BCL7A: variants seen among roughly 807,000 people sequenced by gnomAD.
BCL7A encodes B-cell CLL/lymphoma 7 protein family member A.
A neutral mutation model predicts 28.4 loss-of-function variants in BCL7A; 11 were observed. The ratio of observed to expected loss-of-function variants is 0.39; its 90% CI spans 0.24 to 0.64. The LOEUF is 0.64. BCL7A is among the 30% of genes least tolerant of loss of function. BCL7A has a pLI of 0.50. For synonymous variants in BCL7A, 123 were observed against 103.3 expected (o/e 1.19, Z -1.15); for missense variants, 222 against 274.8 (o/e 0.81, Z 1.36).
intron 1 of BCL7A, among the ~76,000 whole-genome samples, chr12:122,026,266 CA>C (rs78577517): frequency 4.1e-3 from 204 of 49,476 alleles, no homozygotes; most frequent in South Asian, 0.032. Context: ...GACTCCGTCT[CA>C]AAAAAAAAAA....
intron 3 of BCL7A, among the ~76,000 whole-genome samples, chr12:122,038,082 C>T (rs113454134): frequency 0.02 from 3,064 of 151,782 alleles, 98 homozygotes; most frequent in African/African-American, 0.071. Flanking sequence ...GATCGCACCA[C>T]TGCACTCCAG....
chr12:122,022,234 A>C (rs907793530), intron 1 of BCL7A, 51 bp downstream of exon 1: 1 of 1,297,212 alleles, frequency 7.7e-7, no homozygotes, highest in South Asian at 1.3e-5. Flanking sequence ...CCCGAGCCCG[A>C]GCGCGGCTCC....
chr12:122,061,902 A>T lies in BCL7A; in HGVS notation c.*2739A>T, dbSNP rs1951926849. On this transcript the variant is annotated 3_prime_UTR_variant, in exon 6 of 6. Coordinates refer to ENST00000261822, the MANE Select transcript of BCL7A (RefSeq NM_001024808.3). ...AAAGACCTTTTTTCACCGTTACCTA[A>T]TTTTTTCCCCTTTCAAGAATTTTTT... The T allele has an allele frequency of 4.7e-6, 1 of 213,080 alleles. No individual in the cohort carries two copies. Among genetic ancestry groups the T allele is most frequent in the Non-Finnish European group, 9.4e-6 (1 of 105,938 alleles). 13.2% of individuals were successfully genotyped at this position (213,080 alleles called of 1,614,324 possible).
chr12:122,046,325 G>T (rs991886894), intron 4 of BCL7A, among the ~76,000 whole-genome samples: 1 of 152,126 alleles, frequency 6.6e-6, no homozygotes, highest in Admixed American at 6.6e-5. Flanking sequence ...GAGCTGGCGA[G>T]CATGGAATGT....
chr12:122,043,658 G>A (rs1884005329), intron 3 of BCL7A, among the ~76,000 whole-genome samples: 2 of 151,414 alleles, frequency 1.3e-5, no homozygotes, highest in African/African-American at 4.9e-5. Flanking sequence ...TGTAATCCCA[G>A]CTACTCGGGA....
chr12:122,053,292 G>C (rs1286770393), intron 4 of BCL7A, among the ~76,000 whole-genome samples: 1 of 152,194 alleles, frequency 6.6e-6, no homozygotes, highest in Admixed American at 6.5e-5. Context: ...CGCCGCGCCC[G>C]GCCAGGGCTC....
At position 122,029,135 on chromosome 12, in the gene BCL7A, C is replaced by T. The variant is rs1565935043; in HGVS notation, c.93-1565C>T. On this transcript the variant is annotated intron_variant, in intron 1 of 5. Transcript: ENST00000261822. The surrounding 1 kb of genome is among the most constrained non-coding windows in gnomAD (Gnocchi z 4.3). ...AGTTCACCTTCACCGCCCTGTGCCT[C>T]GGTTTCTTTATCTGTCAAATGGGGA... Among the ~76,000 whole-genome samples the T allele has an allele frequency of 6.6e-6, 1 of 152,114 alleles. No individual in the cohort carries two copies. The highest frequency in any genetic ancestry group is 1.5e-5 in the Non-Finnish European group (1 of 68,038).
At chr12:122,052,203 A>AT (rs35574681) in intron 4 of BCL7A, among the ~76,000 whole-genome samples, 4 of 151,812 alleles carry the variant, frequency 2.6e-5, no homozygotes, top group South Asian at 2.1e-4. Context: ...TTAAAAAAAA[A>AT]AAATAAATAA....
chr12:122,049,757 C>T (rs886611182), intron 4 of BCL7A, among the ~76,000 whole-genome samples: 3 of 152,074 alleles, frequency 2.0e-5, no homozygotes, highest in Non-Finnish European at 2.9e-5. Context: ...TGCAGTCCTG[C>T]GGGGGGTCTG....
chr12:122,054,986 G>C (rs911951329), intron 5 of BCL7A, 60 bp downstream of exon 5: 7 of 1,613,194 alleles, frequency 4.3e-6, no homozygotes, highest in Non-Finnish European at 5.1e-6. Context: ...TTGGGTTGTC[G>C]GGGGTACGTT....
chr12:122,024,160 C>G (rs780693437), intron 1 of BCL7A, among the ~76,000 whole-genome samples: 2 of 152,346 alleles, frequency 1.3e-5, no homozygotes, highest in Admixed American at 6.5e-5. Flanking sequence ...AGGGGCTGTA[C>G]CTCTGCGCCT....
At chr12:122,055,204 G>A (rs1427529334) in intron 5 of BCL7A, among the ~76,000 whole-genome samples, 4 of 152,194 alleles carry the variant, frequency 2.6e-5, no homozygotes, top group African/African-American at 7.2e-5. Flanking sequence ...CGGCTGCTAC[G>A]TTTTGTCTGT....
rs540886612 is a variant in BCL7A, at chr12:122,024,003, ACAGCTGCTCCCGCAGAGCGGC to A, written c.92+1830_92+1850del. Among the ~76,000 whole-genome samples the A allele has an allele frequency of 2.1e-4, 32 of 152,184 alleles. No individual in the cohort carries two copies. In the East Asian group the frequency reaches 4.5e-3, roughly 21 times the overall value. On this transcript the variant is annotated intron_variant, in intron 1 of 5. Coordinates refer to ENST00000261822, the MANE Select transcript of BCL7A (RefSeq NM_001024808.3). ...GCTGGACAGAGGCTCCTGCACCCTG[ACAGCTGCTCCCGCAGAGCGGC>A]CAGCTGCTCTGCAGGGAGGGCAGAT...
chr12:122,049,407 C>T (rs567129533), intron 4 of BCL7A, among the ~76,000 whole-genome samples: 7 of 151,766 alleles, frequency 4.6e-5, no homozygotes, highest in Non-Finnish European at 8.8e-5. Context: ...AGAGGCCGGG[C>T]GTGGTGGCTC....
chr12:122,046,060 TAAAAAAAA>T (rs776315126), intron 4 of BCL7A, among the ~76,000 whole-genome samples: 3 of 62,864 alleles, frequency 4.8e-5, no homozygotes, highest in African/African-American at 6.6e-5. Flanking sequence ...GAGACCTTGC[TAAAAAAAA>T]AAAAAAAAAA....
intron 1 of BCL7A, among the ~76,000 whole-genome samples, chr12:122,025,946 C>CAAAAAAA (rs1204623444): frequency 7.4e-5 from 8 of 108,148 alleles, no homozygotes; most frequent in Admixed American, 1.2e-4. Context: ...GACTCCATCT[C>CAAAAAAA]AAAAAAAAAA....
At chr12:122,049,749 C>T (rs1259733020) in intron 4 of BCL7A, among the ~76,000 whole-genome samples, 1 of 152,158 alleles carries the variant, frequency 6.6e-6, no homozygotes, top group Non-Finnish European at 1.5e-5. Context: ...TTTGCACATG[C>T]AGTCCTGCGG....
In BCL7A at chr12:122,059,021, C is replaced by A; in HGVS notation, c.562-71C>A. 7.3e-7 allele frequency: 1 copy of A among 1,366,634 alleles called. No individual in the cohort carries two copies. The highest frequency in any genetic ancestry group is 1.0e-6 in the Non-Finnish European group (1 of 958,208). The allele number at this position is 1,366,634 out of a possible 1,614,324, so 84.7% of individuals were successfully genotyped here. ...CTCGGTTCCTTCCTTGGCTGACCTTCGGCCTCACGCCTGGCCTAACTTGCT... is the reference window on the plus strand; with the variant it reads ...CTCGGTTCCTTCCTTGGCTGACCTTAGGCCTCACGCCTGGCCTAACTTGCT... On this transcript the variant is annotated intron_variant, in intron 5 of 5. Transcript: ENST00000261822. This position sits in a 1 kb window ranked among gnomAD's most constrained non-coding sequence, Gnocchi z 4.0.
At chr12:122,047,693 G>A (rs1258103474) in intron 4 of BCL7A, among the ~76,000 whole-genome samples, 2 of 151,764 alleles carry the variant, frequency 1.3e-5, no homozygotes, top group African/African-American at 4.8e-5. Flanking sequence ...CCCTGGTAAT[G>A]TTTATAGTTT....
Sources: allele counts gnomAD v4.1 joint callset (sites outside exome capture counted in the v4.1 genomes callset), GRCh38; gene constraint gnomAD v4.1.1; non-coding constraint Gnocchi (gnomAD v3.1); transcripts MANE v1.5; gene names NCBI Gene and HGNC (gene_info 2026-07-23, HGNC 2026-07-21).